ESRRB: variants seen among roughly 807,000 people sequenced by gnomAD.
ESRRB encodes steroid hormone receptor ERR2.
A neutral mutation model predicts 46.0 loss-of-function variants in ESRRB; 16 were observed. The ratio of observed to expected loss-of-function variants is 0.35; its 90% CI spans 0.24 to 0.53. ESRRB has a LOEUF of 0.53. ESRRB is among the 20% of genes least tolerant of loss of function. ESRRB has a pLI of 0.93. For missense variants in ESRRB, 488 were observed against 607.4 expected, an observed-to-expected ratio of 0.80 and a Z score of 2.07; for synonymous variants, 246 against 259.6, an observed-to-expected ratio of 0.95 and a Z score of 0.50.
chr14:76,371,683 G>A (rs1566863069), upstream of ESRRB: 2 of 152,242 alleles, frequency 1.3e-5, no homozygotes, highest in African/African-American at 4.8e-5. Flanking sequence ...GGACAGGGAT[G>A]GCATAAACAA....
chr14:76,497,809 C>A (rs775097116), intron 6 of ESRRB, among the ~76,000 whole-genome samples: 1 of 152,108 alleles, frequency 6.6e-6, no homozygotes, highest in African/African-American at 2.4e-5. Context: ...TGTTATAAAC[C>A]CTTGACCTGT....
At chr14:76,321,031 T>G (rs1359190255) in intron 1 of ESRRB, among the ~76,000 whole-genome samples, 1 of 152,218 alleles carries the variant, frequency 6.6e-6, no homozygotes, top group Non-Finnish European at 1.5e-5. Flanking sequence ...CTGTGCTTCC[T>G]TATAAAGATT....
intron 1 of ESRRB, among the ~76,000 whole-genome samples, chr14:76,359,418 G>C (rs927723115): frequency 1.5e-4 from 23 of 152,186 alleles, no homozygotes; most frequent in African/African-American, 5.5e-4. Context: ...CATTTATTGA[G>C]CAATTACTCT....
chr14:76,497,034 T>G (rs1333495402), intron 6 of ESRRB, among the ~76,000 whole-genome samples: 1 of 152,140 alleles, frequency 6.6e-6, no homozygotes, highest in Non-Finnish European at 1.5e-5. Flanking sequence ...CAGCTGCCAA[T>G]TTTGTCCTCC....
At chr14:76,351,087 G>A (rs913929510) in intron 1 of ESRRB, among the ~76,000 whole-genome samples, 20 of 152,178 alleles carry the variant, frequency 1.3e-4, no homozygotes, top group African/African-American at 4.3e-4. Flanking sequence ...TTGCACCTGT[G>A]CATCACCTCA....
At chr14:76,312,626 AG>A (rs1366200590) in intron 1 of ESRRB, among the ~76,000 whole-genome samples, 6 of 151,680 alleles carry the variant, frequency 4.0e-5, no homozygotes, top group Non-Finnish European at 7.4e-5. Context: ...GCCAACTAGG[AG>A]TTAAAGTGTC....
chr14:76,480,380 G>T (rs1286759489), intron 3 of ESRRB, among the ~76,000 whole-genome samples: 2 of 152,220 alleles, frequency 1.3e-5, no homozygotes, highest in Non-Finnish European at 2.9e-5. Flanking sequence ...GGGCAGCAGA[G>T]GGGTGGGGGG....
chr14:76,409,388 T>G (rs1017108118), intron 1 of ESRRB, among the ~76,000 whole-genome samples: 3 of 152,020 alleles, frequency 2.0e-5, no homozygotes, highest in African/African-American at 7.2e-5. Flanking sequence ...GGAGAAAGGA[T>G]GTTATTTGAC....
At chr14:76,336,784 G>A (rs146901030) in intron 1 of ESRRB, among the ~76,000 whole-genome samples, 2 of 152,322 alleles carry the variant, frequency 1.3e-5, no homozygotes, top group East Asian at 3.9e-4. Context: ...GCATGTGCTA[G>A]GTGCGGGATA....
intron 1 of ESRRB, among the ~76,000 whole-genome samples, chr14:76,414,684 A>ACAAAC (rs2139871761): frequency 7.0e-6 from 1 of 142,484 alleles, no homozygotes; most frequent in African/African-American, 2.8e-5. Flanking sequence ...AAAAAAAAAA[A>ACAAAC]AAAAAAAAAC....
intron 1 of ESRRB, among the ~76,000 whole-genome samples, chr14:76,390,995 A>T (rs1442368793): frequency 2.6e-5 from 4 of 152,344 alleles, no homozygotes; most frequent in Middle Eastern, 3.4e-3. Flanking sequence ...GGACCTTGCG[A>T]GGAGGCAGCT....
intron 3 of ESRRB, 152 bp downstream of exon 3, chr14:76,462,813 A>G (rs1384006114): frequency 4.1e-6 from 3 of 738,056 alleles, no homozygotes; most frequent in African/African-American, 1.7e-5. Context: ...CCAGCCTGCC[A>G]CGGCGCCCGC....
intron 1 of ESRRB, among the ~76,000 whole-genome samples, chr14:76,377,676 C>G (rs564270907): frequency 2.0e-5 from 3 of 152,182 alleles, no homozygotes; most frequent in South Asian, 4.2e-4. Flanking sequence ...CCCCCTCCCC[C>G]CAAGAACCAC....
intron 1 of ESRRB, among the ~76,000 whole-genome samples, chr14:76,345,383 G>T (rs1447627646): frequency 6.6e-6 from 1 of 152,032 alleles, no homozygotes; most frequent in African/African-American, 2.4e-5. Flanking sequence ...GTGGGCTAAG[G>T]ACATGAATAG....
intron 1 of ESRRB, among the ~76,000 whole-genome samples, chr14:76,380,448 T>C (rs981097968): frequency 3.9e-5 from 6 of 152,188 alleles, no homozygotes; most frequent in African/African-American, 1.4e-4. Context: ...AGCGACTTCT[T>C]AAAAATGATT....
chr14:76,378,512 ATTAG>A (rs1415163241), intron 1 of ESRRB, among the ~76,000 whole-genome samples: 1 of 152,054 alleles, frequency 6.6e-6, no homozygotes, highest in Non-Finnish European at 1.5e-5. Flanking sequence ...TTTGCAAAGA[ATTAG>A]CTTGTCCCTC....
chr14:76,408,095 C>T (rs1025081071), intron 1 of ESRRB, among the ~76,000 whole-genome samples: 2 of 152,104 alleles, frequency 1.3e-5, no homozygotes, highest in African/African-American at 2.4e-5. Flanking sequence ...AGTCAACAGG[C>T]GGGTTTGAGA....
At chr14:76,327,530 C>T (rs1294004714) in intron 1 of ESRRB, among the ~76,000 whole-genome samples, 2 of 152,148 alleles carry the variant, frequency 1.3e-5, no homozygotes, top group South Asian at 2.1e-4. Flanking sequence ...CCAGGCACTG[C>T]GCTCTCTCCT....
At chr14:76,490,526 A>G (rs1232179859) in intron 5 of ESRRB, among the ~76,000 whole-genome samples, 3 of 152,208 alleles carry the variant, frequency 2.0e-5, no homozygotes, top group African/African-American at 4.8e-5. Context: ...CTATTATACT[A>G]TTTCCTAGAT....
Sources: gnomAD v4.1 joint callset for allele counts (sites outside exome capture counted in the v4.1 genomes callset) on GRCh38, gnomAD v4.1.1 for gene constraint, MANE v1.5 for transcripts, NCBI Gene and HGNC (gene_info 2026-07-23, HGNC 2026-07-21) for gene names.